Variants in IL7R observed in about 807,000 individuals in gnomAD.
IL7R encodes the protein interleukin-7 receptor subunit alpha.
IL7R carries 38 observed loss-of-function variants against 47.0 expected under a neutral mutation model. That is an observed-to-expected ratio of 0.81 (90% CI 0.62 to 1.06). The LOEUF is 1.06. IL7R is among the 50% of genes least tolerant of loss of function. The probability of loss-of-function intolerance (pLI) is 0.00; values close to 1 mark genes in which losing one functional copy is unlikely to be tolerated. For synonymous variants in IL7R, 221 were observed against 199.8 expected (o/e 1.11, Z -0.89); for missense variants, 633 against 534.8 (o/e 1.18, Z -1.81).
In IL7R at chr5:35,876,468, C is replaced by T. The variant is rs760766611; in HGVS notation, c.1362C>T (p.Ser454=). ...AAGAAGCATATGTCACCATGTCCAGCTTCTACCAAAACCAGTGAAGTGTAA... is the reference window on the plus strand; with the variant it reads ...AAGAAGCATATGTCACCATGTCCAGTTTCTACCAAAACCAGTGAAGTGTAA... ...NQEEAYVTMS[S]FYQNQ The change falls in exon 8 of 8, where the codon AGC becomes AGT. Residue 454 remains serine, a synonymous_variant. Coordinates refer to ENST00000303115, the MANE Select transcript of IL7R (RefSeq NM_002185.5). The T allele has an allele frequency of 2.5e-6, 4 of 1,603,216 alleles. No individual in the cohort carries two copies. The highest frequency in any genetic ancestry group is 1.7e-5 in the Admixed American group (1 of 59,996).
intron 2 of IL7R, among the ~76,000 whole-genome samples, chr5:35,864,991 AG>A (rs1759902074): frequency 6.6e-6 from 1 of 152,040 alleles, no homozygotes; most frequent in Non-Finnish European, 1.5e-5. Context: ...TTTAAGTTCT[AG>A]GGTACATGTG....
At chr5:35,873,369 A>G in intron 4 of IL7R, 111 bp from the exon 5 acceptor site, 2 of 919,406 alleles carry the variant, frequency 2.2e-6, no homozygotes, top group Non-Finnish European at 3.5e-6. Flanking sequence ...AATACGAGAC[A>G]ACTTCAGAGA....
chr5:35,870,807 C>A (rs1760053368), intron 3 of IL7R, among the ~76,000 whole-genome samples: 1 of 152,136 alleles, frequency 6.6e-6, no homozygotes, highest in African/African-American at 2.4e-5. Context: ...GGGTGTGTGT[C>A]TGGCCCAGGG....
chr5:35,875,326 C>G (rs569227316), intron 6 of IL7R, 186 bp from the exon 7 acceptor site: 22 of 662,886 alleles, frequency 3.3e-5, no homozygotes, highest in South Asian at 3.2e-4. Context: ...TCCAACCCCT[C>G]CTTGAATTGA....
chr5:35,876,755 G>A lies in IL7R; in HGVS notation c.*269G>A. The A allele has an allele frequency of 4.9e-5, 23 of 474,144 alleles. No individual in the cohort carries two copies. The highest frequency in any genetic ancestry group is 8.9e-5 in the South Asian group (3 of 33,738). 29.4% of individuals were successfully genotyped at this position (474,144 alleles called of 1,614,324 possible). A position where few individuals can be genotyped will look rare whatever the true frequency, so the allele number is the denominator to read the frequency against. ...GATTCAGCTATTTAAAAAAAAAAGA[G>A]GAAAGAATGAAAGAGTAAAGGAAAT... On this transcript the variant is annotated 3_prime_UTR_variant, in exon 8 of 8. Coordinates refer to ENST00000303115, the MANE Select transcript of IL7R (RefSeq NM_002185.5).
chr5:35,866,789 A>G (rs1181196605), intron 2 of IL7R, among the ~76,000 whole-genome samples: 5 of 152,048 alleles, frequency 3.3e-5, no homozygotes, highest in African/African-American at 1.2e-4. Context: ...TTGTTTTCTT[A>G]ACCACTCTTG....
At chr5:35,871,562 T>G (rs1404458117) in intron 4 of IL7R, among the ~76,000 whole-genome samples, 1 of 152,228 alleles carries the variant, frequency 6.6e-6, no homozygotes, top group Non-Finnish European at 1.5e-5. Flanking sequence ...AAAATGTATA[T>G]CTGCTTATGA....
chr5:35,858,606 A>T (rs1389917933), intron 1 of IL7R, among the ~76,000 whole-genome samples: 1 of 152,224 alleles, frequency 6.6e-6, no homozygotes, highest in Non-Finnish European at 1.5e-5. Flanking sequence ...GCTCTATGTA[A>T]TTTCAAAACC....
chr5:35,864,422 G>A (rs540586100), intron 2 of IL7R, among the ~76,000 whole-genome samples: 16 of 152,192 alleles, frequency 1.1e-4, no homozygotes, highest in Non-Finnish European at 2.1e-4. Context: ...CATAAGGTAA[G>A]CATGTATCTA....
In IL7R at chr5:35,876,734, C is replaced by A; in HGVS notation, c.*248C>A. ...CAAGGTTTAAGGTGACCCAATGATT[C>A]AGCTATTTAAAAAAAAAAGAGGAAA... On this transcript the variant is annotated 3_prime_UTR_variant, in exon 8 of 8. Transcript: ENST00000303115. The A allele has an allele frequency of 4.1e-6, 2 of 486,224 alleles. No homozygotes were observed. The highest frequency in any genetic ancestry group is 7.3e-6 in the Non-Finnish European group (2 of 273,126). The allele number at this position is 486,224 out of a possible 1,614,324, so 30.1% of individuals were successfully genotyped here. A position where few individuals can be genotyped will look rare whatever the true frequency, so the allele number is the denominator to read the frequency against.
At chr5:35,875,947 T>C in intron 7 of IL7R, 36 bp from the exon 8 acceptor site, 1 of 1,602,874 alleles carries the variant, frequency 6.2e-7, no homozygotes, top group Non-Finnish European at 8.5e-7. Context: ...GTCTCTCTGG[T>C]GCCATCTTAA....
chr5:35,861,981 T>A (rs1279478063), intron 2 of IL7R, among the ~76,000 whole-genome samples: 5 of 152,194 alleles, frequency 3.3e-5, no homozygotes, highest in Non-Finnish European at 7.3e-5. Context: ...CTCCACAGTC[T>A]ATAGTCCAAA....
chr5:35,864,549 G>A (rs774281909), intron 2 of IL7R, among the ~76,000 whole-genome samples: 5 of 152,060 alleles, frequency 3.3e-5, no homozygotes, highest in African/African-American at 1.2e-4. Flanking sequence ...ATAGTATCTC[G>A]TTAGGTTTTT....
Position 35,878,431 on chromosome 5 carries a change from A to C in IL7R, c.*1945A>C, listed in dbSNP as rs1760267888. ...TAATGAAAGTGACTGCTTGGTAAAC[A>C]AATTATTATTATATTATAAAATGCT... On this transcript the variant is annotated 3_prime_UTR_variant, in exon 8 of 8. Transcript: ENST00000303115. 4.3e-6 allele frequency: 1 copy of C among 232,990 alleles called. No individual in the cohort carries two copies. Among genetic ancestry groups the C allele is most frequent in the Non-Finnish European group, 8.5e-6 (1 of 117,932 alleles). The allele number at this position is 232,990 out of a possible 1,614,324, so 14.4% of individuals were successfully genotyped here. A position where few individuals can be genotyped will look rare whatever the true frequency, so the allele number is the denominator to read the frequency against.
Position 35,873,608 on chromosome 5 carries a change from A to C in IL7R, c.666A>C (p.Pro222=), listed in dbSNP as rs769433714. 48 of 1,614,026 alleles carry C rather than the reference A, an allele frequency of 3.0e-5. No individual in the cohort carries two copies. The highest frequency in any genetic ancestry group is 3.9e-5 in the Non-Finnish European group (46 of 1,179,886). The change falls in exon 5 of 8, where the codon CCA becomes CCC. Residue 222 remains proline, a synonymous_variant. Transcript: ENST00000303115. ...YFKGFWSEWS[P]SYYFRTPEIN... ...AAGGCTTCTGGAGTGAATGGAGTCCAAGTTATTACTTCAGAACTCCAGAGA... is the reference window on the plus strand; with the variant it reads ...AAGGCTTCTGGAGTGAATGGAGTCCCAGTTATTACTTCAGAACTCCAGAGA...
chr5:35,873,291 A>G (rs1328701544), intron 4 of IL7R, 189 bp from the exon 5 acceptor site: 13 of 637,890 alleles, frequency 2.0e-5, no homozygotes, highest in Non-Finnish European at 3.4e-5. Context: ...AACATCCTTT[A>G]TAAGCTCAGA....
At chr5:35,873,869 A>G (rs1040841113) in intron 5 of IL7R, among the ~76,000 whole-genome samples, 3 of 152,224 alleles carry the variant, frequency 2.0e-5, no homozygotes, top group African/African-American at 7.2e-5. Flanking sequence ...GAGAATTAGT[A>G]CAAGCCATCT....
chr5:35,867,243 C>T lies in IL7R; in HGVS notation c.222-63C>T, dbSNP rs1448684434. The stretch of plus-strand genomic sequence containing the variant: ...AACATACATCAATGTGCATATGATA[C>T]TATTCCACTGCATACAGGAACTCCT... On this transcript the variant is annotated intron_variant, in intron 2 of 7. Coordinates refer to ENST00000303115, the MANE Select transcript of IL7R (RefSeq NM_002185.5). The T allele has an allele frequency of 2.8e-6, 4 of 1,422,558 alleles. No individual in the cohort carries two copies. The African/African-American group carries it at 5.6e-5, about 20-fold the overall frequency. 88.1% of individuals were successfully genotyped at this position (1,422,558 alleles called of 1,614,324 possible).
intron 1 of IL7R, among the ~76,000 whole-genome samples, chr5:35,860,162 C>A (rs1339263329): frequency 6.6e-6 from 1 of 152,036 alleles, no homozygotes; most frequent in East Asian, 1.9e-4. Context: ...AGAACAGAAG[C>A]AGTATGTACA....
Sources: gnomAD v4.1 joint callset for allele counts (sites outside exome capture counted in the v4.1 genomes callset) on GRCh38, gnomAD v4.1.1 for gene constraint, MANE v1.5 for transcripts, NCBI Gene and HGNC (gene_info 2026-07-23, HGNC 2026-07-21) for gene names.